The following FER variants were observed in gnomAD, a reference collection of about 807,000 sequenced individuals.
The protein encoded by FER is tyrosine-protein kinase Fer.
In FER, 63 loss-of-function variants were observed where a neutral mutation model predicts 111.0. That is an observed-to-expected ratio of 0.57 (90% CI 0.46 to 0.70). FER has a LOEUF of 0.70. FER is among the 30% of genes least tolerant of loss of function. The pLI, the probability that FER is intolerant of heterozygous loss-of-function variation, is 0.00. For missense variants in FER, 914 were observed against 954.0 expected, an observed-to-expected ratio of 0.96 and a Z score of 0.55; for synonymous variants, 327 against 313.9, an observed-to-expected ratio of 1.04 and a Z score of -0.44.
At chr5:109,009,123 C>T (rs1396236841) in intron 13 of FER, among the ~76,000 whole-genome samples, 1 of 149,090 alleles carries the variant, frequency 6.7e-6, no homozygotes, top group Non-Finnish European at 1.5e-5. Context: ...TCTCGGCTCC[C>T]TGCAACTGCC....
In FER at chr5:108,979,110, T is replaced by C. The variant is rs573473444; in HGVS notation, c.1656+19763T>C. 2.0e-5 allele frequency among the ~76,000 whole-genome samples: 3 copies of C among 152,326 alleles called. No individual in the cohort carries two copies. The South Asian group carries it at 6.2e-4, about 32-fold the overall frequency. ...GGAGAGGCCTGAGTTACCACTTTGA[T>C]TGTTGGCAAATTGCATTTCCATTAT... On this transcript the variant is annotated intron_variant, in intron 13 of 19. Coordinates refer to ENST00000281092, the MANE Select transcript of FER (RefSeq NM_005246.4).
intron 15 of FER, among the ~76,000 whole-genome samples, chr5:109,045,305 A>ATATACATTG (rs1771800786): frequency 6.6e-6 from 1 of 151,088 alleles, no homozygotes; most frequent in Non-Finnish European, 1.5e-5. Context: ...TACATTATAT[A>ATATACATTG]TATACATTAT....
intron 2 of FER, chr5:108,785,574 G>A: frequency 2.1e-6 from 1 of 477,122 alleles, no homozygotes; most frequent in Non-Finnish European, 4.1e-6. Flanking sequence ...CAGAGCTTTA[G>A]AAATTAAGAA....
intron 9 of FER, among the ~76,000 whole-genome samples, chr5:108,893,611 A>G (rs534078559): frequency 6.6e-6 from 1 of 152,234 alleles, no homozygotes; most frequent in Admixed American, 6.5e-5. Flanking sequence ...TAAGAACAAA[A>G]ACATCCCACA....
chr5:108,851,156 G>A (rs1447592656), intron 5 of FER, among the ~76,000 whole-genome samples: 3 of 152,114 alleles, frequency 2.0e-5, no homozygotes, highest in African/African-American at 7.2e-5. Flanking sequence ...TCATGCTGCT[G>A]ATAAAGACTG....
At chr5:109,186,417 C>CTGT (rs1410907756) in intron 19 of FER, 95 bp downstream of exon 19, 1 of 1,576,870 alleles carries the variant, frequency 6.3e-7, no homozygotes, top group African/African-American at 1.3e-5. Flanking sequence ...GTGTTAAATA[C>CTGT]TGTTTGGTTG....
chr5:108,748,151 CAG>C (rs567429565), intron 1 of FER, among the ~76,000 whole-genome samples, 151 bp downstream of exon 1: 218 of 152,352 alleles, frequency 1.4e-3, no homozygotes, highest in African/African-American at 4.8e-3. Context: ...TTAAGGGACT[CAG>C]AGTAAACTGG....
intron 17 of FER, among the ~76,000 whole-genome samples, chr5:109,161,144 C>G (rs773670772): frequency 6.6e-6 from 1 of 152,186 alleles, no homozygotes; most frequent in Admixed American, 6.6e-5. Flanking sequence ...ATGTATTCCT[C>G]TTACAGCTTC....
intron 9 of FER, among the ~76,000 whole-genome samples, chr5:108,893,859 A>G (rs770658229): frequency 1.3e-5 from 2 of 152,138 alleles, no homozygotes; most frequent in Non-Finnish European, 2.9e-5. Flanking sequence ...GGAGGACTCC[A>G]TGAACAGATA....
chr5:108,846,097 A>T (rs1229881098), intron 5 of FER, among the ~76,000 whole-genome samples: 1 of 152,160 alleles, frequency 6.6e-6, no homozygotes, highest in Non-Finnish European at 1.5e-5. Flanking sequence ...TCATATGAGG[A>T]TAATGCTGGC....
intron 3 of FER, among the ~76,000 whole-genome samples, chr5:108,818,759 G>A (rs1758534274): frequency 6.6e-6 from 1 of 152,106 alleles, no homozygotes; most frequent in South Asian, 2.1e-4. Context: ...GGCAGTTACA[G>A]TGAGAGGCCT....
intron 5 of FER, among the ~76,000 whole-genome samples, chr5:108,852,726 C>T (rs1483987541): frequency 6.6e-6 from 1 of 152,024 alleles, no homozygotes; most frequent in Non-Finnish European, 1.5e-5. Context: ...CAGCAGCTAA[C>T]TTATGGAATG....
In FER at chr5:109,188,397, A is replaced by AAAAG. The variant is rs1759112279; in HGVS notation, c.*826_*829dup. The AAAAG allele has an allele frequency of 1.3e-5, 2 of 149,450 alleles. No individual in the cohort carries two copies. The highest frequency in any genetic ancestry group is 3.9e-4 in the East Asian group (2 of 5,072). The allele number at this position is 149,450 out of a possible 1,614,324, so 9.3% of individuals were successfully genotyped here. A position where few individuals can be genotyped will look rare whatever the true frequency, so the allele number is the denominator to read the frequency against. Reference sequence around the variant, plus strand: ...AAACCCTGTCTCTACCAAAAAAAAAAAAAGAAACACACACACAACGCATGA... The same window carrying AAAAG: ...AAACCCTGTCTCTACCAAAAAAAAAAAAAGAAAGAAACACACACACAACGCATGA... On this transcript the variant is annotated 3_prime_UTR_variant, in exon 20 of 20. Transcript: ENST00000281092.
intron 10 of FER, among the ~76,000 whole-genome samples, chr5:108,909,863 A>G (rs1334600846): frequency 2.6e-5 from 4 of 151,396 alleles, no homozygotes; most frequent in African/African-American, 9.6e-5. Flanking sequence ...ATAAATATCA[A>G]TTTTGATTTT....
chr5:109,169,714 T>C (rs1756907458), intron 17 of FER, among the ~76,000 whole-genome samples: 1 of 152,230 alleles, frequency 6.6e-6, no homozygotes, highest in Admixed American at 6.5e-5. Flanking sequence ...TAAAAATGCT[T>C]TTTGTGATGA....
intron 13 of FER, among the ~76,000 whole-genome samples, chr5:109,024,575 G>A (rs1768401812): frequency 6.6e-6 from 1 of 152,098 alleles, no homozygotes; most frequent in Non-Finnish European, 1.5e-5. Context: ...GAGCTACGGA[G>A]GACGGTGGGT....
chr5:109,094,374 A>G (rs1747218060), intron 16 of FER, among the ~76,000 whole-genome samples: 1 of 152,126 alleles, frequency 6.6e-6, no homozygotes, highest in African/African-American at 2.4e-5. Context: ...GCTCCTTAAA[A>G]TCTAAATCTT....
intron 17 of FER, among the ~76,000 whole-genome samples, chr5:109,158,672 C>T (rs1755674905): frequency 6.6e-6 from 1 of 152,104 alleles, no homozygotes; most frequent in South Asian, 2.1e-4. Context: ...ATTCGAGACT[C>T]TCCAGAATCT....
intron 3 of FER, among the ~76,000 whole-genome samples, chr5:108,822,019 A>C (rs556993073): frequency 1.3e-5 from 2 of 152,098 alleles, no homozygotes; most frequent in African/African-American, 4.8e-5. Flanking sequence ...CTTCACCCCT[A>C]TCCCCTGGCA....
Sources: allele counts gnomAD v4.1 joint callset (sites outside exome capture counted in the v4.1 genomes callset), GRCh38; gene constraint gnomAD v4.1.1; transcripts MANE v1.5; gene names NCBI Gene and HGNC (gene_info 2026-07-23, HGNC 2026-07-21).